GSTA3: variants seen among roughly 807,000 people sequenced by gnomAD.
The protein encoded by GSTA3 is glutathione S-transferase A3.
GSTA3 carries 16 observed loss-of-function variants against 23.1 expected under a neutral mutation model. That is an observed-to-expected ratio of 0.69 (90% CI 0.47 to 1.05). The LOEUF (loss-of-function observed/expected upper bound fraction) is 1.05, where lower values mean the gene tolerates loss of function less well. Among genes scored for constraint, GSTA3 ranks in the 50% least tolerant of loss-of-function variants. The probability of loss-of-function intolerance (pLI) is 0.00; values close to 1 mark genes in which losing one functional copy is unlikely to be tolerated. For missense variants in GSTA3, 319 were observed against 263.6 expected (o/e 1.21, Z -1.46); for synonymous variants, 122 against 91.0 (o/e 1.34, Z -1.94).
At chr6:52,898,971 C>G (rs1453911372) in intron 5 of GSTA3, among the ~76,000 whole-genome samples, 2 of 152,066 alleles carry the variant, frequency 1.3e-5, no homozygotes, top group Non-Finnish European at 2.9e-5. Flanking sequence ...AGTGCTTTGG[C>G]AGGAGTCAGG....
intron 5 of GSTA3, 133 bp downstream of exon 5, chr6:52,899,799 TGA>T: frequency 1.2e-6 from 1 of 821,174 alleles, no homozygotes; most frequent in Non-Finnish European, 2.0e-6. Context: ...TAAAATGCCT[TGA>T]GAGTCAGAGA....
At chr6:52,900,840 A>G (rs1479467227) in intron 4 of GSTA3, among the ~76,000 whole-genome samples, 3 of 151,758 alleles carry the variant, frequency 2.0e-5, no homozygotes, top group Non-Finnish European at 4.4e-5. Context: ...CATCTCAGTC[A>G]TGTTCCTTGT....
intron 3 of GSTA3, among the ~76,000 whole-genome samples, chr6:52,903,260 C>A (rs1482906040): frequency 6.6e-6 from 1 of 152,062 alleles, no homozygotes; most frequent in East Asian, 1.9e-4. Context: ...ACAGCTACCA[C>A]CCCACACACA....
intron 1 of GSTA3, among the ~76,000 whole-genome samples, chr6:52,908,397 C>T (rs184426937): frequency 2.0e-5 from 3 of 152,176 alleles, no homozygotes; most frequent in East Asian, 3.9e-4. Flanking sequence ...CACCTGTAGT[C>T]CCAGATACCC....
At position 52,898,166 on chromosome 6, in the gene GSTA3, T is replaced by A. The variant is rs1386174095; in HGVS notation, c.415-210A>T. On this transcript the variant is annotated intron_variant, in intron 5 of 6. Transcript: ENST00000211122. ...TCAGTTGGAGCTCAGGCTCCCATTT[T>A]CTCTTCTCATTCCACATCACTGTGG... Among the ~76,000 whole-genome samples, 3 of 152,112 alleles carry A rather than the reference T, an allele frequency of 2.0e-5. No individual in the cohort carries two copies. In the East Asian group the frequency reaches 5.8e-4, roughly 29 times the overall value.
intron 1 of GSTA3, among the ~76,000 whole-genome samples, chr6:52,907,578 G>A (rs1409748403): frequency 1.3e-5 from 2 of 151,292 alleles, no homozygotes; most frequent in African/African-American, 2.4e-5. Context: ...CAACCCAAAT[G>A]TCCAACAATG....
At position 52,897,864 on chromosome 6, in the gene GSTA3, C is replaced by G. The variant is rs931081826; in HGVS notation, c.507G>C (p.Glu169Asp). 100 of 1,613,804 alleles carry G rather than the reference C, an allele frequency of 6.2e-5. No individual in the cohort carries two copies. The highest frequency in any genetic ancestry group is 8.1e-5 in the Non-Finnish European group (95 of 1,179,914). The change falls in exon 6 of 7, where the codon GAG (glutamate) becomes GAC (aspartate). Residue 169 changes from glutamate to aspartate, a missense_variant. Coordinates refer to ENST00000211122, the MANE Select transcript of GSTA3 (RefSeq NM_000847.5). ...AGTTGGAGATAAGGCTGGAGTCAAG[C>G]TCTTCCACATAGTAGAGAAGTTCCA... ...SLVELLYYVE[E>D]LDSSLISNFP...
chr6:52,902,923 G>T (rs540685922), intron 3 of GSTA3, among the ~76,000 whole-genome samples: 1 of 152,140 alleles, frequency 6.6e-6, no homozygotes, highest in Non-Finnish European at 1.5e-5. Flanking sequence ...CAAGCCTACA[G>T]TATTACTACA....
Position 52,902,413 on chromosome 6 carries a change from T to C in GSTA3, c.205A>G (p.Arg69Gly). 2 of 1,613,994 alleles carry C rather than the reference T, an allele frequency of 1.2e-6. No homozygotes were observed. Among genetic ancestry groups the C allele is most frequent in the African/African-American group, 1.3e-5 (1 of 75,052 alleles). Residue 69 changes from arginine (R) to glycine (G), a missense_variant, in exon 4 of 7, where the codon AGA becomes GGA. Transcript: ENST00000211122. ...CTGGCAATGTAGTTGAGAATGGCTCTGGTCTGTACCAACTTCATCCCATCA... is the reference window on the plus strand; with the variant it reads ...CTGGCAATGTAGTTGAGAATGGCTCCGGTCTGTACCAACTTCATCCCATCA... The part of the protein sequence containing the change: ...EIDGMKLVQT[R>G]AILNYIASKY...
At chr6:52,908,502 G>T (rs968562082) in intron 1 of GSTA3, among the ~76,000 whole-genome samples, 1 of 152,074 alleles carries the variant, frequency 6.6e-6, no homozygotes, top group Non-Finnish European at 1.5e-5. Context: ...GTGACAGAAT[G>T]AGACTGTCTC....
At chr6:52,901,287 C>A (rs1765675511) in intron 4 of GSTA3, among the ~76,000 whole-genome samples, 1 of 152,150 alleles carries the variant, frequency 6.6e-6, no homozygotes, top group African/African-American at 2.4e-5. Context: ...TTCCCCAAAC[C>A]CCAAACCTTT....
At chr6:52,899,646 A>G (rs1561951533) in intron 5 of GSTA3, among the ~76,000 whole-genome samples, 1 of 152,230 alleles carries the variant, frequency 6.6e-6, no homozygotes, top group African/African-American at 2.4e-5. Context: ...TGTGGTTCAG[A>G]GCCTTCCACA....
At chr6:52,899,857 C>T in intron 5 of GSTA3, 77 bp downstream of exon 5, 3 of 1,351,126 alleles carry the variant, frequency 2.2e-6, no homozygotes, top group Non-Finnish European at 3.2e-6. Flanking sequence ...AAGGTCAGTG[C>T]CCCAGGAATG....
chr6:52,896,966 G>C, intron 6 of GSTA3, 38 bp from the exon 7 acceptor site: 2 of 1,611,548 alleles, frequency 1.2e-6, no homozygotes, highest in East Asian at 2.2e-5. Context: ...GTGAAGCCAA[G>C]GTCTGCCACC....
intron 1 of GSTA3, among the ~76,000 whole-genome samples, chr6:52,909,353 G>A (rs1256559634): frequency 6.6e-6 from 1 of 152,226 alleles, no homozygotes; most frequent in Non-Finnish European, 1.5e-5. Flanking sequence ...CCTTTGGCAT[G>A]TGGCCTGGCA....
At chr6:52,898,861 G>A (rs1307587496) in intron 5 of GSTA3, among the ~76,000 whole-genome samples, 1 of 152,198 alleles carries the variant, frequency 6.6e-6, no homozygotes, top group East Asian at 1.9e-4. Context: ...CTGCTGCTGT[G>A]TCTTTCCCCC....
chr6:52,904,284 C>T (rs556650311), intron 2 of GSTA3, among the ~76,000 whole-genome samples: 1 of 152,268 alleles, frequency 6.6e-6, no homozygotes, highest in East Asian at 1.9e-4. Flanking sequence ...CCCACTGCTC[C>T]TGGCCTGCTC....
At chr6:52,900,212 T>G in intron 4 of GSTA3, 137 bp from the exon 5 acceptor site, 1 of 604,586 alleles carries the variant, frequency 1.7e-6, no homozygotes, top group Non-Finnish European at 2.7e-6. Context: ...ATTCTAGTCA[T>G]TATGCTCTGA....
intron 3 of GSTA3, 30 bp downstream of exon 3, chr6:52,903,646 C>T (rs375636515): frequency 1.6e-6 from 2 of 1,231,998 alleles, no homozygotes; most frequent in South Asian, 1.2e-5. Context: ...TAGATACCCT[C>T]ATCAGAGGCA....
Sources: allele counts gnomAD v4.1 joint callset (sites outside exome capture counted in the v4.1 genomes callset), GRCh38; gene constraint gnomAD v4.1.1; transcripts MANE v1.5; gene names NCBI Gene and HGNC (gene_info 2026-07-23, HGNC 2026-07-21).